The following ABLIM1 variants were observed in gnomAD, a reference collection of about 807,000 sequenced individuals.
The protein encoded by ABLIM1 is actin-binding LIM protein 1.
A neutral mutation model predicts 107.0 loss-of-function variants in ABLIM1; 40 were observed. The ratio of observed to expected loss-of-function variants is 0.37; its 90% CI spans 0.29 to 0.49. The LOEUF is 0.49. ABLIM1 is among the 20% of genes least tolerant of loss of function. ABLIM1 has a pLI of 0.97. For missense variants in ABLIM1, 857 were observed against 1,008.5 expected (o/e 0.85, Z 2.04); for synonymous variants, 357 against 357.3 (o/e 1.00, Z 0.01).
At chr10:114,650,706 G>T (rs544873870) in intron 1 of ABLIM1, among the ~76,000 whole-genome samples, 1 of 151,922 alleles carries the variant, frequency 6.6e-6, no homozygotes. Context: ...CCTTTTACTC[G>T]TATTTTGGGT....
At chr10:114,456,712 G>A (rs530408429) in intron 12 of ABLIM1, among the ~76,000 whole-genome samples, 1 of 152,280 alleles carries the variant, frequency 6.6e-6, no homozygotes, top group African/African-American at 2.4e-5. Flanking sequence ...TTAGACATTT[G>A]TCCAGGGATT....
chr10:114,597,424 C>T (rs1314828686), intron 2 of ABLIM1, among the ~76,000 whole-genome samples: 1 of 150,428 alleles, frequency 6.6e-6, no homozygotes, highest in Non-Finnish European at 1.5e-5. Flanking sequence ...GATCAATTTT[C>T]CCATAAACCT....
At chr10:114,548,623 C>A (rs1478725002) in intron 4 of ABLIM1, among the ~76,000 whole-genome samples, 1 of 152,156 alleles carries the variant, frequency 6.6e-6, no homozygotes, top group Non-Finnish European at 1.5e-5. Flanking sequence ...ATTACAATTG[C>A]CATAATTAAT....
intron 19 of ABLIM1, 30 bp downstream of exon 19, chr10:114,440,987 C>T (rs773613986): frequency 4.5e-6 from 7 of 1,571,770 alleles, no homozygotes; most frequent in Non-Finnish European, 6.1e-6. Context: ...GAAGACGTGG[C>T]CATGCTCAGC....
chr10:114,623,118 C>G (rs1489054063), intron 1 of ABLIM1, among the ~76,000 whole-genome samples: 2 of 152,170 alleles, frequency 1.3e-5, no homozygotes, highest in Non-Finnish European at 2.9e-5. Flanking sequence ...CATCACCATG[C>G]CTGGCTAATT....
chr10:114,472,833 C>T (rs992739717), intron 10 of ABLIM1, 144 bp downstream of exon 10: 1 of 752,184 alleles, frequency 1.3e-6, no homozygotes, highest in African/African-American at 1.8e-5. Context: ...CTGAATACCT[C>T]AAAGCACCTG....
chr10:114,464,630 T>A (rs886440856), intron 12 of ABLIM1, among the ~76,000 whole-genome samples: 1 of 152,316 alleles, frequency 6.6e-6, no homozygotes, highest in Non-Finnish European at 1.5e-5. Context: ...ATTCAATAAA[T>A]AGCACAAACA....
In ABLIM1 at chr10:114,458,094, CTG is replaced by C. The variant is rs35469132; in HGVS notation, c.1442-4613_1442-4612del. ...CCTCAAAACAAAAAACAAAACTACT[CTG>C]TGTGTGTGTGTGTGTGTGTGCGCAC... On this transcript the variant is annotated intron_variant, in intron 12 of 22. Transcript: ENST00000533213. Among the ~76,000 whole-genome samples, 267 of 149,242 alleles carry C rather than the reference CTG, an allele frequency of 1.8e-3. 3 individuals carry two copies. Among genetic ancestry groups the C allele is most frequent in the African/African-American group, 2.7e-3 (108 of 40,652 alleles).
chr10:114,748,113 G>GA (rs1230311583), intron 1 of ABLIM1, among the ~76,000 whole-genome samples: 9 of 151,024 alleles, frequency 6.0e-5, no homozygotes, highest in South Asian at 4.2e-4. Flanking sequence ...AAATGGATGG[G>GA]AAAAAAATCA....
intron 10 of ABLIM1, among the ~76,000 whole-genome samples, chr10:114,469,150 T>G (rs926795498): frequency 1.3e-5 from 2 of 152,126 alleles, no homozygotes; most frequent in Non-Finnish European, 2.9e-5. Flanking sequence ...CCCTTATATA[T>G]TCAAACTACG....
chr10:114,786,611 C>T, the ABLIM1 span, among the ~76,000 whole-genome samples: 1 of 152,214 alleles, frequency 6.6e-6, no homozygotes, highest in African/African-American at 2.4e-5. Flanking sequence ...AAGACTGCCA[C>T]CTACAGGTGG....
intron 2 of ABLIM1, among the ~76,000 whole-genome samples, chr10:114,598,846 T>TA (rs1409280567): frequency 6.6e-6 from 1 of 152,120 alleles, no homozygotes; most frequent in African/African-American, 2.4e-5. Context: ...ATTTTTTTTT[T>TA]AATTTATTTT....
chr10:114,670,143 G>C (rs933608975), intron 1 of ABLIM1, among the ~76,000 whole-genome samples: 1 of 152,062 alleles, frequency 6.6e-6, no homozygotes, highest in African/African-American at 2.4e-5. Context: ...TGAAGAACGC[G>C]GGCCAAAGGA....
intron 8 of ABLIM1, among the ~76,000 whole-genome samples, chr10:114,486,139 T>G (rs2058158503): frequency 6.6e-6 from 1 of 152,222 alleles, no homozygotes; most frequent in South Asian, 2.1e-4. Flanking sequence ...AGTATTTCAC[T>G]AGTTGTTTTC....
chr10:114,456,031 G>A (rs561478358), intron 12 of ABLIM1, among the ~76,000 whole-genome samples: 1 of 151,552 alleles, frequency 6.6e-6, no homozygotes, highest in South Asian at 2.1e-4. Context: ...AGCCAGGATG[G>A]TCTCAATCTC....
intron 1 of ABLIM1, among the ~76,000 whole-genome samples, chr10:114,633,198 C>T (rs542568120): frequency 6.6e-6 from 1 of 152,172 alleles, no homozygotes; most frequent in Non-Finnish European, 1.5e-5. Flanking sequence ...AATATTGTAA[C>T]ATGTTGAGTC....
intron 12 of ABLIM1, chr10:114,462,907 A>C: frequency 1.2e-5 from 11 of 882,958 alleles, no homozygotes; most frequent in Non-Finnish European, 1.8e-5. Flanking sequence ...ACTGTTGGGT[A>C]TAGTCATGAC....
the ABLIM1 span, chr10:114,779,782 T>C: frequency 2.0e-5 from 3 of 152,192 alleles, no homozygotes; most frequent in African/African-American, 4.8e-5. Flanking sequence ...GAGTCATTTA[T>C]GTTGTTTCTG....
chr10:114,696,502 G>T (rs1296543107), intron 1 of ABLIM1, among the ~76,000 whole-genome samples: 1 of 152,154 alleles, frequency 6.6e-6, no homozygotes, highest in Non-Finnish European at 1.5e-5. Flanking sequence ...ATCTCATCTT[G>T]AATTGTAGCT....
Sources: gnomAD v4.1 joint callset for allele counts (sites outside exome capture counted in the v4.1 genomes callset) on GRCh38, gnomAD v4.1.1 for gene constraint, MANE v1.5 for transcripts, NCBI Gene and HGNC (gene_info 2026-07-23, HGNC 2026-07-21) for gene names.